The following PTPRG variants were observed in gnomAD, a reference collection of about 807,000 sequenced individuals.
The protein encoded by PTPRG is protein tyrosine phosphatase receptor type G, also known as receptor-type tyrosine-protein phosphatase gamma.
A neutral mutation model predicts 165.3 loss-of-function variants in PTPRG; 102 were observed. The ratio of observed to expected loss-of-function variants is 0.62; its 90% confidence interval spans 0.53 to 0.73. PTPRG has a LOEUF of 0.73. Ranked by LOEUF, PTPRG falls within the 30% of genes least tolerant of loss-of-function variation. PTPRG has a pLI of 0.00. For missense variants in PTPRG, 1,866 were observed against 1,861.4 expected (o/e 1.00, Z -0.05); for synonymous variants, 675 against 669.5 (o/e 1.01, Z -0.13).
At chr3:62,015,250 C>T (rs1198481200) in intron 4 of PTPRG, among the ~76,000 whole-genome samples, 2 of 152,150 alleles carry the variant, frequency 1.3e-5, no homozygotes, top group Non-Finnish European at 2.9e-5. Flanking sequence ...GGCACTGAGG[C>T]CCTGAGACAG....
intron 26 of PTPRG, 66 bp from the exon 27 acceptor site, chr3:62,281,497 T>G: frequency 3.0e-6 from 4 of 1,354,512 alleles, no homozygotes; most frequent in Non-Finnish European, 3.9e-6. Context: ...AAAATCCGTA[T>G]GCAAGAAATA....
At chr3:62,031,833 AGGT>A (rs1699779121) in intron 4 of PTPRG, among the ~76,000 whole-genome samples, 1 of 152,180 alleles carries the variant, frequency 6.6e-6, no homozygotes, top group African/African-American at 2.4e-5. Flanking sequence ...TTGTGCAACT[AGGT>A]CCAAAGGCAG....
At position 61,802,497 on chromosome 3, in the gene PTPRG, C is replaced by T. The variant is rs1041588766; in HGVS notation, c.190+53515C>T. Reference sequence around the variant, plus strand: ...GTGCTACAGGGGAAGTGTTGTCAAACAGTTATGCCGGTTTCTTAGGTAAAG... The same window carrying T: ...GTGCTACAGGGGAAGTGTTGTCAAATAGTTATGCCGGTTTCTTAGGTAAAG... On this transcript the variant is annotated intron_variant, in intron 2 of 29. Transcript: ENST00000474889. Among the ~76,000 whole-genome samples, 9 of 152,308 alleles carry T rather than the reference C, an allele frequency of 5.9e-5. No homozygotes were observed. In the East Asian group the frequency reaches 1.7e-3, roughly 29 times the overall value.
intron 2 of PTPRG, among the ~76,000 whole-genome samples, chr3:61,966,126 G>C (rs935070639): frequency 1.1e-4 from 17 of 152,184 alleles, no homozygotes; most frequent in African/African-American, 4.1e-4. Context: ...ATGTCAACAA[G>C]GTCTTCCATA....
intron 10 of PTPRG, among the ~76,000 whole-genome samples, chr3:62,196,803 C>G (rs1358010767): frequency 6.6e-6 from 1 of 152,212 alleles, no homozygotes; most frequent in Non-Finnish European, 1.5e-5. Flanking sequence ...AGTTACAAAT[C>G]TGATGAAGGT....
chr3:61,992,295 A>G (rs1253267694), intron 3 of PTPRG, among the ~76,000 whole-genome samples: 2 of 151,800 alleles, frequency 1.3e-5, no homozygotes, highest in Admixed American at 1.3e-4. Context: ...ATGGTGGTTT[A>G]GAAACTTGGG....
Position 62,273,053 on chromosome 3 carries a change from C to G in PTPRG, c.3290C>G (p.Thr1097Arg). The G allele has an allele frequency of 1.2e-6, 2 of 1,613,514 alleles. No individual in the cohort carries two copies. The highest frequency in any genetic ancestry group is 1.7e-6 in the Non-Finnish European group (2 of 1,179,702). The change falls in exon 22 of 30, where the codon ACA becomes AGA. Residue 1097 changes from threonine to arginine, a missense_variant. By Grantham distance (71) the Thr-to-Arg change is moderately conservative. This residue lies in a region of PTPRG where 1,452 missense variants were observed against 1,463.0 expected (regional missense o/e 0.99). Coordinates refer to ENST00000474889, the MANE Select transcript of PTPRG (RefSeq NM_002841.4). The surrounding 1 kb of genome is among the most constrained non-coding windows in gnomAD (Gnocchi z 4.1). ...CTGGGATTCCTGAAGCATATCAGGA[C>G]ACAGCGTAACTACCTCGTCCAGACT... Reference protein sequence around the residue: ...NVLGFLKHIRTQRNYLVQTEE... With the variant: ...NVLGFLKHIRRQRNYLVQTEE...
intron 29 of PTPRG, chr3:62,292,766 G>T: frequency 1.7e-6 from 1 of 574,864 alleles, no homozygotes; most frequent in Non-Finnish European, 3.0e-6. Flanking sequence ...CACAGCACAA[G>T]ACAGCCCTCA....
At chr3:62,126,185 T>A (rs76327018) in intron 5 of PTPRG, among the ~76,000 whole-genome samples, 1 of 152,310 alleles carries the variant, frequency 6.6e-6, no homozygotes, top group Non-Finnish European at 1.5e-5. Flanking sequence ...TTTCCAGTAA[T>A]GCACTCCTCC....
intron 4 of PTPRG, among the ~76,000 whole-genome samples, chr3:62,023,235 C>G (rs1055084387): frequency 1.3e-5 from 2 of 152,072 alleles, no homozygotes; most frequent in South Asian, 2.1e-4. Context: ...TATTAATGAA[C>G]AGATATTGTG....
chr3:61,887,116 T>G (rs2038058514), intron 2 of PTPRG, among the ~76,000 whole-genome samples: 1 of 88,468 alleles, frequency 1.1e-5, no homozygotes, highest in Non-Finnish European at 1.9e-5. Context: ...AGTATAACCA[T>G]AGCATGCATA....
At position 62,191,641 on chromosome 3, in the gene PTPRG, C is replaced by T. The variant is rs943364988; in HGVS notation, c.1206C>T (p.Ser402=). The T allele has an allele frequency of 7.4e-6, 12 of 1,613,956 alleles. No individual in the cohort carries two copies. Among genetic ancestry groups the T allele is most frequent in the Admixed American group, 3.3e-5 (2 of 60,010 alleles). ...AGGAGAAGACGTTTACAAAGGACAG[C>T]GACAAAGACTTGGTATGAAGCCCCT... ...DEKEKTFTKD[S]DKDLKATISH... Residue 402 remains serine (S), a synonymous_variant, in exon 9 of 30, where the codon AGC becomes AGT. Coordinates refer to ENST00000474889, the MANE Select transcript of PTPRG (RefSeq NM_002841.4).
chr3:61,908,565 C>A (rs2038717834), intron 2 of PTPRG, among the ~76,000 whole-genome samples: 1 of 152,112 alleles, frequency 6.6e-6, no homozygotes. Context: ...ATCAACAGTT[C>A]AATCCTGTAT....
At chr3:61,990,208 ACATT>A (rs140195827) in intron 3 of PTPRG, among the ~76,000 whole-genome samples, 1,983 of 152,260 alleles carry the variant, frequency 0.013, 40 homozygotes, top group African/African-American at 0.046. Flanking sequence ...TGTATTAGGT[ACATT>A]TCACGTGCTT....
intron 2 of PTPRG, among the ~76,000 whole-genome samples, chr3:61,867,228 G>A (rs559123073): frequency 5.9e-5 from 9 of 152,114 alleles, no homozygotes; most frequent in Admixed American, 2.0e-4. Context: ...CAGAACCTGC[G>A]GCCCTCCTCC....
intron 1 of PTPRG, among the ~76,000 whole-genome samples, chr3:61,625,313 A>G (rs546965298): frequency 6.6e-6 from 1 of 151,674 alleles, no homozygotes; most frequent in Non-Finnish European, 1.5e-5. Flanking sequence ...GATTACAGAA[A>G]CTCTTTATAA....
chr3:62,205,964 G>T (rs141384295), intron 12 of PTPRG, among the ~76,000 whole-genome samples: 1 of 152,188 alleles, frequency 6.6e-6, no homozygotes, highest in Non-Finnish European at 1.5e-5. Context: ...GCTTGGACCA[G>T]TGTGTTTTCT....
chr3:61,934,316 A>G (rs1335599828), intron 2 of PTPRG, among the ~76,000 whole-genome samples: 1 of 152,078 alleles, frequency 6.6e-6, no homozygotes, highest in Non-Finnish European at 1.5e-5. Flanking sequence ...AGTGGATTAT[A>G]TCCTTGCATT....
intron 1 of PTPRG, among the ~76,000 whole-genome samples, chr3:61,667,723 T>G (rs1226899181): frequency 6.6e-6 from 1 of 152,024 alleles, no homozygotes; most frequent in Non-Finnish European, 1.5e-5. Flanking sequence ...GAGGATCTCT[T>G]GAGCCCAGGA....
Sources: gnomAD v4.1 joint callset for allele counts (sites outside exome capture counted in the v4.1 genomes callset) on GRCh38, gnomAD v4.1.1 for gene constraint, gnomAD v4.1.1 regional missense constraint, Gnocchi (gnomAD v3.1) non-coding constraint, MANE v1.5 for transcripts, NCBI Gene and HGNC (gene_info 2026-07-23, HGNC 2026-07-21) for gene names.